The following CPNE1 variants were observed in gnomAD, a reference collection of about 807,000 sequenced individuals.
CPNE1 encodes the protein copine 1, also known as copine-1.
A neutral mutation model predicts 63.2 loss-of-function variants in CPNE1; 58 were observed. That is an observed-to-expected ratio of 0.92 (90% confidence interval 0.74 to 1.14). The LOEUF (loss-of-function observed/expected upper bound fraction) is 1.14. Ranked by LOEUF, CPNE1 falls within the 50% of genes most tolerant of loss-of-function variation. CPNE1 has a pLI of 0.00. For missense variants in CPNE1, 672 were observed against 661.7 expected (o/e 1.02, Z -0.17); for synonymous variants, 237 against 249.0 (o/e 0.95, Z 0.45).
rs14836 is a variant in CPNE1 at position 35,626,089 on chromosome 20, G to T, written c.*152C>A. 1.2e-6 allele frequency: 1 copy of T among 808,536 alleles called. No individual in the cohort carries two copies. The allele number at this position is 808,536 out of a possible 1,614,324, so 50.1% of individuals were successfully genotyped here. On this transcript the variant is annotated 3_prime_UTR_variant, in exon 16 of 16. Coordinates refer to ENST00000397443, the MANE Select transcript of CPNE1 (RefSeq NM_152925.3). The stretch of plus-strand genomic sequence containing the variant: ...TTGAATGAGGGTTGTCAGGAGCAAA[G>T]GTGGGATCAAGAGCAGCAAAAGCAG...
chr20:35,652,219 C>A (rs1260325805), intron 1 of CPNE1: 1 of 233,036 alleles, frequency 4.3e-6, no homozygotes, highest in African/African-American at 2.3e-5. Flanking sequence ...TGGTATAAAA[C>A]AAAACCAATC....
chr20:35,654,168 A>G (rs753769054), intron 1 of CPNE1: 5 of 1,614,120 alleles, frequency 3.1e-6, no homozygotes, highest in Non-Finnish European at 3.4e-6. Flanking sequence ...TATGGCCTCC[A>G]GCAGCTACCC....
chr20:35,639,650 T>C (rs943694724), intron 1 of CPNE1, among the ~76,000 whole-genome samples: 3 of 152,214 alleles, frequency 2.0e-5, no homozygotes, highest in East Asian at 1.9e-4. Context: ...AAATTTTTAA[T>C]TGGAGAACTA....
chr20:35,653,300 T>C, intron 1 of CPNE1: 4 of 1,613,604 alleles, frequency 2.5e-6, no homozygotes, highest in Non-Finnish European at 3.4e-6. Flanking sequence ...GGCAGTCCTG[T>C]GCTGGGCAGG....
At chr20:35,653,324 G>T (rs755749928) in intron 1 of CPNE1, 2 of 1,613,834 alleles carry the variant, frequency 1.2e-6, no homozygotes, top group East Asian at 4.5e-5. Flanking sequence ...GCACCGGGAA[G>T]TCCTGCACTG....
chr20:35,654,813 C>T (rs200679488), intron 1 of CPNE1: 26 of 1,614,068 alleles, frequency 1.6e-5, no homozygotes, highest in African/African-American at 5.3e-5. Context: ...TTGAGCTAAA[C>T]GTTGGGCTCC....
At position 35,631,259 on chromosome 20, in the gene CPNE1, T is replaced by C. The variant is rs368031339; in HGVS notation, c.801+9A>G. The C allele has an allele frequency of 2.0e-5, 32 of 1,614,168 alleles. No individual in the cohort carries two copies. The African/African-American group carries it at 2.9e-4, about 15-fold the overall frequency. On this transcript the variant is annotated intron_variant, in intron 9 of 15. Coordinates refer to ENST00000397443, the MANE Select transcript of CPNE1 (RefSeq NM_152925.3). ...ATCAGAGCCTTGGTTACATGGGCTT[T>C]TGTCTCACCCGACAAATCTTGACAC...
At chr20:35,638,759 G>T (rs1335199794) in intron 1 of CPNE1, among the ~76,000 whole-genome samples, 1 of 152,176 alleles carries the variant, frequency 6.6e-6, no homozygotes, top group Non-Finnish European at 1.5e-5. Flanking sequence ...ATCAATATGA[G>T]AACCAATTGT....
intron 5 of CPNE1, 39 bp downstream of exon 5, chr20:35,632,124 C>T (rs1451635458): frequency 1.2e-6 from 2 of 1,609,362 alleles, no homozygotes; most frequent in East Asian, 4.5e-5. Flanking sequence ...TCCTTGGCCC[C>T]TTAACTCTTG....
intron 1 of CPNE1, among the ~76,000 whole-genome samples, chr20:35,648,340 T>C (rs1261189798): frequency 6.6e-6 from 1 of 152,240 alleles, no homozygotes; most frequent in Non-Finnish European, 1.5e-5. Flanking sequence ...TTAGTGATGA[T>C]GCACATAGTT....
chr20:35,643,785 T>G (rs143240759), intron 1 of CPNE1, among the ~76,000 whole-genome samples: 1 of 152,048 alleles, frequency 6.6e-6, no homozygotes, highest in Non-Finnish European at 1.5e-5. Flanking sequence ...ATCATAAGCT[T>G]GACCGTGGAG....
chr20:35,639,439 C>T (rs929737149), intron 1 of CPNE1, among the ~76,000 whole-genome samples: 3 of 152,082 alleles, frequency 2.0e-5, no homozygotes, highest in Admixed American at 6.5e-5. Flanking sequence ...TGGGTTCCAG[C>T]GATTCTCCCA....
chr20:35,627,187 CAAAAAAA>C (rs746796889), intron 14 of CPNE1, 86 bp downstream of exon 14: 24 of 536,754 alleles, frequency 4.5e-5, no homozygotes, highest in African/African-American at 2.3e-4. Context: ...GAGTCCATCT[CAAAAAAA>C]AAAAAAAAAA....
chr20:35,661,796 A>G (rs2034244141), intron 1 of CPNE1, among the ~76,000 whole-genome samples: 2 of 152,236 alleles, frequency 1.3e-5, no homozygotes, highest in Admixed American at 1.3e-4. Context: ...TTCACTCTTC[A>G]TCTGGTAGTA....
chr20:35,652,561 G>C, intron 1 of CPNE1: 1 of 1,614,016 alleles, frequency 6.2e-7, no homozygotes. Context: ...TGAACCTATA[G>C]GCCTGTCATT....
At chr20:35,644,169 G>A (rs1241921348) in intron 1 of CPNE1, among the ~76,000 whole-genome samples, 5 of 152,146 alleles carry the variant, frequency 3.3e-5, no homozygotes, top group African/African-American at 1.2e-4. Context: ...AGTGTCAACT[G>A]TCCCTGTAGG....
intron 12 of CPNE1, 120 bp from the exon 13 acceptor site, chr20:35,630,610 C>T (rs953831542): frequency 9.0e-6 from 13 of 1,445,586 alleles, no homozygotes; most frequent in South Asian, 5.7e-5. Context: ...TTGCTGTCTA[C>T]GTGCCTGCAG....
chr20:35,653,320 G>A, intron 1 of CPNE1: 1 of 1,613,906 alleles, frequency 6.2e-7, no homozygotes, highest in Non-Finnish European at 8.5e-7. Flanking sequence ...GCCTGCACCG[G>A]GAAGTCCTGC....
chr20:35,653,105 G>T, intron 1 of CPNE1: 1 of 1,613,830 alleles, frequency 6.2e-7, no homozygotes. Context: ...CCTAATCCTG[G>T]AGGAGGGATT....
Sources: allele counts gnomAD v4.1 joint callset (sites outside exome capture counted in the v4.1 genomes callset), GRCh38; gene constraint gnomAD v4.1.1; transcripts MANE v1.5; gene names NCBI Gene and HGNC (gene_info 2026-07-23, HGNC 2026-07-21).